The following CDON variants were observed in gnomAD, a reference collection of about 807,000 sequenced individuals.
CDON encodes cell adhesion molecule-related/down-regulated by oncogenes.
Under a neutral mutation model 120.9 loss-of-function variants are expected in CDON, and 73 were observed. The ratio of observed to expected loss-of-function variants is 0.60; its 90% CI spans 0.50 to 0.73. The LOEUF (loss-of-function observed/expected upper bound fraction) is 0.73, where lower values mean the gene tolerates loss of function less well. Among genes scored for constraint, CDON ranks in the 30% least tolerant of loss-of-function variants. The pLI, the probability that CDON is intolerant of heterozygous loss-of-function variation, is 0.00. For synonymous variants in CDON, 566 were observed against 573.5 expected (o/e 0.99, Z 0.19); for missense variants, 1,470 against 1,587.3 (o/e 0.93, Z 1.26).
At chr11:126,045,174 C>T (rs1030154267) in intron 1 of CDON, among the ~76,000 whole-genome samples, 26 of 152,048 alleles carry the variant, frequency 1.7e-4, no homozygotes, top group African/African-American at 5.8e-4. Context: ...TACAGGCACG[C>T]GCCACCATGT....
At chr11:126,054,570 T>C (rs1009935643) in intron 1 of CDON, among the ~76,000 whole-genome samples, 7 of 152,212 alleles carry the variant, frequency 4.6e-5, no homozygotes, top group African/African-American at 1.7e-4. Flanking sequence ...GTTGAAATCA[T>C]TCATGGATCT....
At position 125,960,904 on chromosome 11, in the gene CDON, G is replaced by A. The variant is rs563131225; in HGVS notation, c.*38C>T. 19 of 1,605,562 alleles carry A rather than the reference G, an allele frequency of 1.2e-5. No homozygotes were observed. The highest frequency in any genetic ancestry group is 3.3e-5 in the Admixed American group (2 of 60,014). On this transcript the variant is annotated 3_prime_UTR_variant, in exon 20 of 20. Transcript: ENST00000531738. The stretch of plus-strand genomic sequence containing the variant: ...CCCAGGCCTGTTGTGTGCAGTTACC[G>A]GCTTGAAGTTGGAACATGACTGGTT...
rs1368979819 is a variant in CDON, at chr11:126,015,315, A to G, written c.1124T>C (p.Val375Ala). ...LKISGVTVED[V>A]GMYQCVADNG... ...ATCTGCTACACACTGATACATCCCAACATCTTCCACAGTAACCCCACTGAT... is the reference window on the plus strand; with the variant it reads ...ATCTGCTACACACTGATACATCCCAGCATCTTCCACAGTAACCCCACTGAT... The change falls in exon 7 of 20, where the codon GTT becomes GCT. Residue 375 changes from valine to alanine, a missense_variant. Transcript: ENST00000531738. 6.2e-7 allele frequency: 1 copy of G among 1,614,070 alleles called. No homozygotes were observed. Among genetic ancestry groups the G allele is most frequent in the South Asian group, 1.1e-5 (1 of 91,072 alleles).
intron 1 of CDON, among the ~76,000 whole-genome samples, chr11:126,047,292 T>C (rs564621287): frequency 1.3e-5 from 2 of 152,156 alleles, no homozygotes; most frequent in Non-Finnish European, 2.9e-5. Context: ...ATCAAGATGG[T>C]GTTCAGTTGC....
chr11:125,974,390 A>G (rs7951305), intron 18 of CDON, among the ~76,000 whole-genome samples: 2,643 of 43,652 alleles, frequency 0.061, 100 homozygotes, highest in African/African-American at 0.094. Context: ...GGAAGGAAGG[A>G]AGGGAGGGAG....
chr11:125,973,601 G>C (rs1452011234), intron 18 of CDON, among the ~76,000 whole-genome samples: 1 of 152,182 alleles, frequency 6.6e-6, no homozygotes, highest in East Asian at 1.9e-4. Flanking sequence ...GGCTCTGTGT[G>C]ATCTGATTTC....
chr11:126,004,369 G>A (rs1947054006), intron 9 of CDON: 3 of 409,636 alleles, frequency 7.3e-6, no homozygotes, highest in Non-Finnish European at 4.5e-6. Flanking sequence ...TACTTGTAAT[G>A]GAAACAATGC....
chr11:126,005,072 G>A (rs938444092), intron 9 of CDON, among the ~76,000 whole-genome samples: 27 of 152,118 alleles, frequency 1.8e-4, no homozygotes, highest in African/African-American at 6.5e-4. Context: ...AGGATTAGGT[G>A]GTGGATCACT....
chr11:126,015,454 C>T lies in CDON; in HGVS notation c.985G>A (p.Val329Ile), dbSNP rs756878197. The T allele has an allele frequency of 6.8e-6, 11 of 1,613,874 alleles. No individual in the cohort carries two copies. Among genetic ancestry groups the T allele is most frequent in the Non-Finnish European group, 9.3e-6 (11 of 1,179,796 alleles). The change falls in exon 7 of 20, where the codon GTA (valine) becomes ATA (isoleucine). Residue 329 changes from valine to isoleucine, a missense_variant. Physicochemically the swap from Val to Ile is conservative, Grantham distance 29. Coordinates refer to ENST00000531738, the MANE Select transcript of CDON (RefSeq NM_001378964.1). ...CCATGAACGTCGCAGGTAAAGTGTA[C>T]TGTGGCACCCAGAGACACTATCTGA... ...QDQIVSLGAT[V>I]HFTCDVHGNP...
At position 125,959,610 on chromosome 11, in the gene CDON, A is replaced by C. The variant is rs77555036; in HGVS notation, c.*1332T>G. On this transcript the variant is annotated 3_prime_UTR_variant, in exon 20 of 20. Coordinates refer to ENST00000531738, the MANE Select transcript of CDON (RefSeq NM_001378964.1). ...AAAAAACCCAAAACAAACAAACAAA[A>C]AAAAACAAAAAACAAACAAACAAAA... 0.064 allele frequency: 9,798 copies of C among 152,230 alleles called. 406 individuals are homozygous for C. The highest frequency in any genetic ancestry group is 0.098 in the Non-Finnish European group (6,693 of 68,008). 9.4% of individuals were successfully genotyped at this position (152,230 alleles called of 1,614,324 possible). A position where few individuals can be genotyped will look rare whatever the true frequency, so the allele number is the denominator to read the frequency against.
At position 125,957,177 on chromosome 11, in the gene CDON, G is replaced by A. The variant is rs1047070; in HGVS notation, c.*3765C>T. On this transcript the variant is annotated 3_prime_UTR_variant, in exon 20 of 20. Coordinates refer to ENST00000531738, the MANE Select transcript of CDON (RefSeq NM_001378964.1). ...CCACCTCCCTTCCCTCCAAGGAAAC[G>A]CAAAGTTGCCCCGAGGAGGTGGGCC... 31,263 of 152,178 alleles carry A rather than the reference G, an allele frequency of 0.21. 3,439 individuals carry two copies. The highest frequency in any genetic ancestry group is 0.42 in the East Asian group (2,166 of 5,154). The allele number at this position is 152,178 out of a possible 1,614,324, so 9.4% of individuals were successfully genotyped here.
chr11:125,963,340 G>C (rs1323525660), intron 18 of CDON, among the ~76,000 whole-genome samples: 1 of 152,108 alleles, frequency 6.6e-6, no homozygotes, highest in Non-Finnish European at 1.5e-5. Context: ...GAAAAGTCTG[G>C]AGATGACATT....
chr11:126,006,801 A>C (rs1947142650), intron 8 of CDON, among the ~76,000 whole-genome samples: 1 of 152,216 alleles, frequency 6.6e-6, no homozygotes, highest in African/African-American at 2.4e-5. Flanking sequence ...GCACTGAAAA[A>C]AAAAATAGGT....
At chr11:126,041,067 T>C (rs1948249084) in intron 1 of CDON, among the ~76,000 whole-genome samples, 1 of 150,518 alleles carries the variant, frequency 6.6e-6, no homozygotes, top group East Asian at 2.0e-4. Flanking sequence ...TGCACGCCTG[T>C]AATCCCAGCT....
chr11:126,008,524 G>A (rs549912150), intron 8 of CDON, among the ~76,000 whole-genome samples: 2 of 152,258 alleles, frequency 1.3e-5, no homozygotes, highest in South Asian at 4.1e-4. Flanking sequence ...ATCTTCTAAA[G>A]TTAGTTCACA....
intron 16 of CDON, among the ~76,000 whole-genome samples, chr11:125,982,643 A>G (rs370041827): frequency 1.2e-4 from 18 of 152,292 alleles, no homozygotes; most frequent in Middle Eastern, 3.4e-3. Flanking sequence ...GAAGACGATG[A>G]TTATCTTTTG....
At chr11:126,044,785 G>A (rs1323385148) in intron 1 of CDON, among the ~76,000 whole-genome samples, 2 of 151,700 alleles carry the variant, frequency 1.3e-5, no homozygotes, top group Non-Finnish European at 2.9e-5. Context: ...ATGGCTAATG[G>A]GTACAAAAAT....
intron 1 of CDON, among the ~76,000 whole-genome samples, chr11:126,028,747 A>ATTTATTTATTT (rs1947869312): frequency 8.3e-6 from 1 of 120,896 alleles, no homozygotes; most frequent in South Asian, 2.8e-4. Flanking sequence ...TTTATTTATT[A>ATTTATTTATTT]TGTCTTGTAT....
At chr11:125,990,382 C>CA (rs1172764562) in intron 14 of CDON, among the ~76,000 whole-genome samples, 2 of 152,210 alleles carry the variant, frequency 1.3e-5, no homozygotes, top group Non-Finnish European at 2.9e-5. Context: ...CCAAACCACA[C>CA]AAGTATCTCT....
Sources: allele counts gnomAD v4.1 joint callset (sites outside exome capture counted in the v4.1 genomes callset), GRCh38; gene constraint gnomAD v4.1.1; transcripts MANE v1.5; gene names NCBI Gene and HGNC (gene_info 2026-07-23, HGNC 2026-07-21).